Variants in NFIX observed in about 807,000 individuals in gnomAD.
NFIX encodes nuclear factor 1 X-type.
Under a neutral mutation model 53.3 loss-of-function variants are expected in NFIX, and 2 were observed. That is an observed-to-expected ratio of 0.04 (90% CI 0.02 to 0.12). The LOEUF (loss-of-function observed/expected upper bound fraction) is 0.12, where lower values mean the gene tolerates loss of function less well. NFIX is among the 10% of genes least tolerant of loss of function. NFIX has a pLI of 1.00. For synonymous variants in NFIX, 244 were observed against 289.0 expected (o/e 0.84, Z 1.58); for missense variants, 310 against 674.5 (o/e 0.46, Z 5.99).
Position 12,998,201 on chromosome 19 carries a change from CCTTTTGTA to C in NFIX, c.27+2338_27+2345del, listed in dbSNP as rs2011536873. On this transcript the variant is annotated intron_variant, in intron 1 of 10. Coordinates refer to ENST00000592199, the MANE Select transcript of NFIX (RefSeq NM_001365902.3). The surrounding 1 kb of genome is among the most constrained non-coding windows in gnomAD (Gnocchi z 4.4). ...TCCATCTCTCTTTCTCCATCTCTGT[CCTTTTGTA>C]TGTCTCTGACTGTCTCTGTCTCTGA... 6.6e-6 allele frequency among the ~76,000 whole-genome samples: 1 copy of C among 152,068 alleles called. No individual in the cohort carries two copies. Among genetic ancestry groups the C allele is most frequent in the Non-Finnish European group, 1.5e-5 (1 of 68,028 alleles).
chr19:13,092,062 C>T (rs976687663), intron 10 of NFIX, among the ~76,000 whole-genome samples: 1 of 152,108 alleles, frequency 6.6e-6, no homozygotes, highest in Non-Finnish European at 1.5e-5. Context: ...GGAGCGGAAG[C>T]TGGACAAGCG....
intron 1 of NFIX, chr19:13,024,346 A>G (rs755007935): frequency 3.7e-5 from 13 of 349,148 alleles, no homozygotes; most frequent in Non-Finnish European, 5.2e-5. Flanking sequence ...ACAAAGCTGA[A>G]ATCACATATT....
chr19:13,024,842 C>T (rs2013192036), intron 1 of NFIX, 179 bp from the exon 2 acceptor site: 7 of 1,331,162 alleles, frequency 5.3e-6, no homozygotes, highest in Admixed American at 2.0e-5. Context: ...CTTCAAACCA[C>T]ACTTTCGTAG....
intron 6 of NFIX, among the ~76,000 whole-genome samples, chr19:13,075,925 C>G (rs949183195): frequency 1.3e-5 from 2 of 152,094 alleles, no homozygotes; most frequent in African/African-American, 2.4e-5. Context: ...GAGGGGGTGC[C>G]AAGCCTCTGG....
In NFIX at chr19:13,052,692, A is replaced by G. The variant is rs1308510643; in HGVS notation, c.560-20355A>G. ...CTGGCCTTAACCCTGCCGATTCCAT[A>G]TACTGTGCTCATCTCGACCCAGTTG... On this transcript the variant is annotated intron_variant, in intron 2 of 10. Coordinates refer to ENST00000592199, the MANE Select transcript of NFIX (RefSeq NM_001365902.3). The surrounding 1 kb of genome is among the most constrained non-coding windows in gnomAD (Gnocchi z 5.2). Among the ~76,000 whole-genome samples the G allele has an allele frequency of 6.6e-6, 1 of 152,118 alleles. No homozygotes were observed. The highest frequency in any genetic ancestry group is 1.5e-5 in the Non-Finnish European group (1 of 68,006).
At chr19:13,065,471 T>G (rs1027932430) in intron 2 of NFIX, among the ~76,000 whole-genome samples, 5 of 152,184 alleles carry the variant, frequency 3.3e-5, no homozygotes, top group African/African-American at 1.2e-4. Context: ...GGTGCTAGGT[T>G]TGGTGCTGGG....
intron 2 of NFIX, among the ~76,000 whole-genome samples, chr19:13,056,316 G>T (rs996128597): frequency 6.6e-6 from 1 of 152,168 alleles, no homozygotes; most frequent in South Asian, 2.1e-4. Context: ...CTCTGGACCC[G>T]ACCGTTTGAT....
Position 13,012,912 on chromosome 19 carries a change from T to A in NFIX, c.28-12109T>A, listed in dbSNP as rs1014731461. ...TTTGGGGGAGTAAAGGCGGGGAAAT[T>A]TACCAGGGGAGATTTTTGTTTCCAG... On this transcript the variant is annotated intron_variant, in intron 1 of 10. Coordinates refer to ENST00000592199, the MANE Select transcript of NFIX (RefSeq NM_001365902.3). The surrounding 1 kb of genome is among the most constrained non-coding windows in gnomAD (Gnocchi z 5.0). Among the ~76,000 whole-genome samples the A allele has an allele frequency of 1.3e-5, 2 of 151,180 alleles. No homozygotes were observed. The highest frequency in any genetic ancestry group is 4.8e-5 in the African/African-American group (2 of 41,340).
chr19:13,056,891 C>T (rs1285337617), intron 2 of NFIX, among the ~76,000 whole-genome samples: 1 of 152,262 alleles, frequency 6.6e-6, no homozygotes, highest in East Asian at 1.9e-4. Flanking sequence ...GGGCTGTGGC[C>T]TTTGCCCTGA....
chr19:13,080,334 A>G (rs1193504539), intron 7 of NFIX, among the ~76,000 whole-genome samples: 2 of 152,114 alleles, frequency 1.3e-5, no homozygotes, highest in African/African-American at 2.4e-5. Context: ...ATTATAGCTC[A>G]CTGAAGCCTT....
In NFIX at chr19:13,009,888, C is replaced by A. The variant is rs929788544; in HGVS notation, c.27+14024C>A. Among the ~76,000 whole-genome samples, 1 of 152,144 alleles carries A rather than the reference C, an allele frequency of 6.6e-6. No individual in the cohort carries two copies. Among genetic ancestry groups the A allele is most frequent in the Non-Finnish European group, 1.5e-5 (1 of 68,010 alleles). ...TCCTTTGGGGGATTTGGTGGTAGAA[C>A]GGGGCCGGGGGTCTTCAAAGGCAGA... On this transcript the variant is annotated intron_variant, in intron 1 of 10. Transcript: ENST00000592199. The surrounding 1 kb of genome is among the most constrained non-coding windows in gnomAD (Gnocchi z 4.7).
At chr19:13,030,908 G>C (rs116196565) in intron 2 of NFIX, among the ~76,000 whole-genome samples, 1 of 152,216 alleles carries the variant, frequency 6.6e-6, no homozygotes, top group South Asian at 2.1e-4. Context: ...TTAACCAAGC[G>C]TGGGGGGCAC....
At chr19:13,020,752 G>GCCAGT (rs1406968156) in intron 1 of NFIX, among the ~76,000 whole-genome samples, 1 of 152,028 alleles carries the variant, frequency 6.6e-6, no homozygotes, top group Non-Finnish European at 1.5e-5. Context: ...TGATCTCTCC[G>GCCAGT]CCAGTCCGTG....
Position 13,074,025 on chromosome 19 carries a change from A to C in NFIX, c.817A>C (p.Ser273Arg). The change falls in exon 5 of 11, where the codon AGC (serine) becomes CGC (arginine). Residue 273 changes from serine (S) to arginine (R), a missense_variant and splice_region_variant. By Grantham distance (110) the Ser-to-Arg change is moderately radical. Transcript: ENST00000592199. Reference protein sequence around the residue: ...RRSITSPPSTSTTKRPKSIDD... With the variant: ...RRSITSPPSTRTTKRPKSIDD... ...GTCCATCACCTCCCCTCCTTCCACC[A>C]GGTAAGCCCAGTGGCCCTGCCTTTC... 1 of 1,613,880 alleles carries C rather than the reference A, an allele frequency of 6.2e-7. No individual in the cohort carries two copies. Among genetic ancestry groups the C allele is most frequent in the Non-Finnish European group, 8.5e-7 (1 of 1,179,844 alleles).
At position 13,093,304 on chromosome 19, in the gene NFIX, A is replaced by C. The variant is rs755780140; in HGVS notation, c.1495-1331A>C. 1.3e-5 allele frequency among the ~76,000 whole-genome samples: 2 copies of C among 152,264 alleles called. No homozygotes were observed. Among genetic ancestry groups the C allele is most frequent in the African/African-American group, 2.4e-5 (1 of 41,472 alleles). ...ATCCTCAGTCCCAAACCAGAGCCTG[A>C]GAGCAGGTCTGGCCTGCAGGCAGAA... On this transcript the variant is annotated intron_variant, in intron 10 of 10. Transcript: ENST00000592199. The surrounding 1 kb of genome is among the most constrained non-coding windows in gnomAD (Gnocchi z 4.7).
chr19:13,054,586 G>A (rs1225539480), intron 2 of NFIX, among the ~76,000 whole-genome samples: 2 of 152,064 alleles, frequency 1.3e-5, no homozygotes, highest in East Asian at 3.9e-4. Context: ...ACCCCAGGGA[G>A]TCCTACTCCA....
In NFIX at chr19:13,025,738, A is replaced by G. The variant is rs1014244084; in HGVS notation, c.559+186A>G. Among the ~76,000 whole-genome samples, 1 of 151,736 alleles carries G rather than the reference A, an allele frequency of 6.6e-6. No individual in the cohort carries two copies. Among genetic ancestry groups the G allele is most frequent in the African/African-American group, 2.4e-5 (1 of 41,244 alleles). On this transcript the variant is annotated intron_variant, in intron 2 of 10. Transcript: ENST00000592199. The surrounding 1 kb of genome is among the most constrained non-coding windows in gnomAD (Gnocchi z 7.5). ...TTTTTCCTGTCTTCTGTCTCCCCCG[A>G]CCTGTTCTATTCTTCCTCCTCTGCC...
chr19:13,076,211 A>ACTGGC (rs2017092736), intron 6 of NFIX, among the ~76,000 whole-genome samples: 1 of 152,184 alleles, frequency 6.6e-6, no homozygotes, highest in African/African-American at 2.4e-5. Flanking sequence ...GATGAGAACC[A>ACTGGC]CTGGTCTCAA....
intron 2 of NFIX, among the ~76,000 whole-genome samples, chr19:13,056,457 G>C (rs562745237): frequency 1.3e-5 from 2 of 152,180 alleles, no homozygotes; most frequent in Admixed American, 6.5e-5. Context: ...GCCCACATAG[G>C]GTGGGCCCAC....
Sources: gnomAD v4.1 joint callset for allele counts (sites outside exome capture counted in the v4.1 genomes callset) on GRCh38, gnomAD v4.1.1 for gene constraint, Gnocchi (gnomAD v3.1) non-coding constraint, MANE v1.5 for transcripts, NCBI Gene and HGNC (gene_info 2026-07-23, HGNC 2026-07-21) for gene names.